The following DYNC1I1 variants were observed in gnomAD, a reference collection of about 807,000 sequenced individuals.
DYNC1I1 encodes the protein cytoplasmic dynein 1 intermediate chain 1.
DYNC1I1 carries 43 observed loss-of-function variants against 86.6 expected under a neutral mutation model. That is an observed-to-expected ratio of 0.50 (90% CI 0.39 to 0.64). DYNC1I1 has a LOEUF of 0.64. Ranked by LOEUF, DYNC1I1 falls within the 30% of genes least tolerant of loss-of-function variation. DYNC1I1 has a pLI of 0.00. For missense variants in DYNC1I1, 604 were observed against 788.8 expected, an observed-to-expected ratio of 0.77 and a Z score of 2.81; for synonymous variants, 262 against 283.7, an observed-to-expected ratio of 0.92 and a Z score of 0.77.
At chr7:96,039,977 T>A (rs1224586829) in intron 14 of DYNC1I1, among the ~76,000 whole-genome samples, 3 of 152,126 alleles carry the variant, frequency 2.0e-5, no homozygotes, top group Non-Finnish European at 4.4e-5. Context: ...CTCACATCTG[T>A]AATCCCAGCA....
intron 10 of DYNC1I1, among the ~76,000 whole-genome samples, chr7:96,014,130 T>G (rs145727706): frequency 6.6e-6 from 1 of 152,284 alleles, no homozygotes; most frequent in East Asian, 1.9e-4. Context: ...GGAGGACTCA[T>G]CTATAGAACA....
intron 14 of DYNC1I1, among the ~76,000 whole-genome samples, chr7:96,066,382 A>C (rs964690056): frequency 1.3e-5 from 2 of 152,152 alleles, no homozygotes; most frequent in African/African-American, 4.8e-5. Context: ...GGCACCTAAC[A>C]TCTGTACCAC....
chr7:95,927,551 C>A (rs1258414463), intron 6 of DYNC1I1, among the ~76,000 whole-genome samples: 1 of 151,980 alleles, frequency 6.6e-6, no homozygotes, highest in African/African-American at 2.4e-5. Flanking sequence ...GATAACTGTT[C>A]TATGGGTTAT....
At chr7:95,979,040 C>T (rs568910567) in intron 7 of DYNC1I1, among the ~76,000 whole-genome samples, 13 of 152,152 alleles carry the variant, frequency 8.5e-5, no homozygotes, top group South Asian at 2.1e-4. Context: ...GTGATCCACC[C>T]GCCTTAGCCT....
At chr7:96,027,820 A>T (rs1794716999) in intron 10 of DYNC1I1, among the ~76,000 whole-genome samples, 1 of 152,210 alleles carries the variant, frequency 6.6e-6, no homozygotes, top group Non-Finnish European at 1.5e-5. Context: ...GTGGAGAATT[A>T]ATATTAGTTC....
rs1322483324 is a variant in DYNC1I1, at chr7:95,846,621, C to G, written c.374+18505C>G. 5.0e-4 allele frequency among the ~76,000 whole-genome samples: 60 copies of G among 120,378 alleles called. No homozygotes were observed. In the East Asian group the frequency reaches 0.011, roughly 22 times the overall value. 79.0% of individuals were successfully genotyped at this position (120,378 alleles called of 152,430 possible). On this transcript the variant is annotated intron_variant, in intron 5 of 16. Coordinates refer to ENST00000447467, the MANE Select transcript of DYNC1I1 (RefSeq NM_001135556.2). ...CATTCTGAACATAAATGATAAATCT[C>G]TCTCTCTGTGTGTGTGTGTGTGTGT...
intron 14 of DYNC1I1, among the ~76,000 whole-genome samples, chr7:96,051,210 A>C (rs943199663): frequency 6.6e-6 from 1 of 152,060 alleles, no homozygotes; most frequent in Non-Finnish European, 1.5e-5. Context: ...TTTTGGGTTA[A>C]TATTTATTTT....
intron 1 of DYNC1I1, among the ~76,000 whole-genome samples, chr7:95,777,564 C>T (rs1163268014): frequency 1.3e-5 from 2 of 152,146 alleles, no homozygotes; most frequent in Non-Finnish European, 2.9e-5. Flanking sequence ...GCTGTTCTTG[C>T]TTCCAAATTA....
chr7:96,074,500 G>A (rs985963982), intron 14 of DYNC1I1, among the ~76,000 whole-genome samples: 26 of 145,008 alleles, frequency 1.8e-4, no homozygotes, highest in African/African-American at 5.4e-4. Context: ...GCAATGAGCC[G>A]AGATCGCGCC....
chr7:95,983,162 G>C (rs1291361877), intron 7 of DYNC1I1, among the ~76,000 whole-genome samples: 1 of 152,148 alleles, frequency 6.6e-6, no homozygotes, highest in Non-Finnish European at 1.5e-5. Context: ...GCCTAAGTCT[G>C]AGTGTGCATA....
intron 6 of DYNC1I1, among the ~76,000 whole-genome samples, chr7:95,944,810 G>C (rs1321450809): frequency 6.8e-6 from 1 of 148,128 alleles, no homozygotes; most frequent in Non-Finnish European, 1.5e-5. Context: ...ACTCATAGGT[G>C]GGAATTGAAC....
At chr7:95,957,178 T>G (rs1792738405) in intron 6 of DYNC1I1, among the ~76,000 whole-genome samples, 1 of 152,324 alleles carries the variant, frequency 6.6e-6, no homozygotes, top group South Asian at 2.1e-4. Flanking sequence ...AAAATATTCC[T>G]TATGTGAAAT....
At chr7:95,954,510 C>G (rs1792650719) in intron 6 of DYNC1I1, among the ~76,000 whole-genome samples, 1 of 151,970 alleles carries the variant, frequency 6.6e-6, no homozygotes, top group African/African-American at 2.4e-5. Context: ...ATCACTTTTA[C>G]AATGATCAGG....
chr7:96,088,687 A>G (rs1563001241), intron 16 of DYNC1I1, among the ~76,000 whole-genome samples: 1 of 152,152 alleles, frequency 6.6e-6, no homozygotes, highest in African/African-American at 2.4e-5. Context: ...TGTTTCTTAC[A>G]TGTGTATGTG....
intron 16 of DYNC1I1, among the ~76,000 whole-genome samples, chr7:96,085,523 T>C (rs1790652697): frequency 6.6e-6 from 1 of 152,214 alleles, no homozygotes; most frequent in Non-Finnish European, 1.5e-5. Context: ...GATTTCAGCA[T>C]TATATCTGGA....
chr7:95,885,696 A>G (rs762452428), intron 6 of DYNC1I1, among the ~76,000 whole-genome samples: 19 of 152,230 alleles, frequency 1.2e-4, no homozygotes, highest in Non-Finnish European at 2.2e-4. Flanking sequence ...TGTATTGCCC[A>G]GGCTCTTTTC....
At chr7:95,789,322 T>A (rs1452860236) in intron 1 of DYNC1I1, among the ~76,000 whole-genome samples, 1 of 152,202 alleles carries the variant, frequency 6.6e-6, no homozygotes, top group Non-Finnish European at 1.5e-5. Context: ...GCATTTAGCA[T>A]TTGTGTTGAC....
At chr7:96,067,054 A>C (rs1357991350) in intron 14 of DYNC1I1, among the ~76,000 whole-genome samples, 2 of 152,204 alleles carry the variant, frequency 1.3e-5, no homozygotes, top group Non-Finnish European at 2.9e-5. Context: ...ATTTCTGCTA[A>C]CGGCAGGAGA....
chr7:96,109,365 C>A (rs1791274028), intron 16 of DYNC1I1, among the ~76,000 whole-genome samples: 1 of 138,004 alleles, frequency 7.2e-6, no homozygotes, highest in Non-Finnish European at 1.6e-5. Context: ...CCTCCCCCCT[C>A]CCCACACCCC....
Sources: gnomAD v4.1 joint callset for allele counts (sites outside exome capture counted in the v4.1 genomes callset) on GRCh38, gnomAD v4.1.1 for gene constraint, MANE v1.5 for transcripts, NCBI Gene and HGNC (gene_info 2026-07-23, HGNC 2026-07-21) for gene names.